Variants in COG5 observed in about 807,000 individuals in gnomAD.
COG5 encodes the protein conserved oligomeric Golgi complex subunit 5.
In COG5, 86 loss-of-function variants were observed where a neutral mutation model predicts 110.4. That is an observed-to-expected ratio of 0.78 (90% confidence interval 0.65 to 0.93). The LOEUF (loss-of-function observed/expected upper bound fraction) is 0.93. Among genes scored for constraint, COG5 ranks in the 40% least tolerant of loss-of-function variants. COG5 has a pLI of 0.00. For synonymous variants in COG5, 360 were observed against 334.6 expected, an observed-to-expected ratio of 1.08 and a Z score of -0.83; for missense variants, 1,077 against 987.0, an observed-to-expected ratio of 1.09 and a Z score of -1.22.
chr7:107,256,588 T>C (rs1374441796), intron 16 of COG5, 144 bp downstream of exon 16: 2 of 645,838 alleles, frequency 3.1e-6, no homozygotes, highest in African/African-American at 3.7e-5. Flanking sequence ...TTGTTATCTA[T>C]TCTCTTTAGG....
rs536303064 is a variant in COG5, at chr7:107,262,668, G to A, written c.1576-4285C>T. Among the ~76,000 whole-genome samples, 5 of 152,180 alleles carry A rather than the reference G, an allele frequency of 3.3e-5. No individual in the cohort carries two copies. The South Asian group carries it at 8.3e-4, about 25-fold the overall frequency. On this transcript the variant is annotated intron_variant, in intron 14 of 21. Coordinates refer to ENST00000297135, the MANE Select transcript of COG5 (RefSeq NM_006348.5). ...TCCCATTCATGCTCCTAAGCCCCTA[G>A]GAGATTGTTCCTCACCTTCTCCTCA...
chr7:107,432,496 C>T (rs1270136936), intron 6 of COG5, among the ~76,000 whole-genome samples: 2 of 152,132 alleles, frequency 1.3e-5, no homozygotes, highest in Non-Finnish European at 2.9e-5. Flanking sequence ...GAAATAAGAA[C>T]ATGACATAAG....
chr7:107,291,626 C>G (rs1484548636), intron 12 of COG5, among the ~76,000 whole-genome samples: 1 of 152,134 alleles, frequency 6.6e-6, no homozygotes, highest in Non-Finnish European at 1.5e-5. Context: ...TCTGACCACA[C>G]CCAGATACTA....
At chr7:107,483,556 T>C (rs535380112) in intron 6 of COG5, among the ~76,000 whole-genome samples, 2 of 152,028 alleles carry the variant, frequency 1.3e-5, no homozygotes, top group Admixed American at 6.6e-5. Flanking sequence ...AATACAAAAT[T>C]AGCCGGGTGT....
At chr7:107,476,205 A>AAAAAAAAAAAAAAAAAAAAAAAAAAAT (rs1796981548) in intron 6 of COG5, among the ~76,000 whole-genome samples, 1 of 148,780 alleles carries the variant, frequency 6.7e-6, no homozygotes. Context: ...AAAAAAAAAA[A>AAAAAAAAAAAAAAAAAAAAAAAAAAAT]AAGAACAGTA....
At chr7:107,267,331 T>G (rs1388336081) in intron 14 of COG5, among the ~76,000 whole-genome samples, 1 of 152,210 alleles carries the variant, frequency 6.6e-6, no homozygotes, top group Non-Finnish European at 1.5e-5. Context: ...TAATCAAATC[T>G]ATTATCCTCT....
chr7:107,272,555 G>T (rs946001706), intron 14 of COG5, among the ~76,000 whole-genome samples: 1 of 152,056 alleles, frequency 6.6e-6, no homozygotes, highest in Non-Finnish European at 1.5e-5. Context: ...GATATACGGG[G>T]TTCACAATTT....
intron 14 of COG5, among the ~76,000 whole-genome samples, chr7:107,275,730 G>T (rs1310604935): frequency 6.6e-6 from 1 of 151,404 alleles, no homozygotes; most frequent in Non-Finnish European, 1.5e-5. Context: ...CACCATTTTG[G>T]TCAGGCTGGT....
intron 6 of COG5, among the ~76,000 whole-genome samples, chr7:107,511,492 C>T (rs1799508189): frequency 6.6e-6 from 1 of 152,222 alleles, no homozygotes; most frequent in Non-Finnish European, 1.5e-5. Context: ...ACCATTCCTT[C>T]TGAAACTATT....
At chr7:107,204,370 A>G (rs1173359867) in intron 21 of COG5, among the ~76,000 whole-genome samples, 10 of 152,178 alleles carry the variant, frequency 6.6e-5, no homozygotes, top group Admixed American at 5.9e-4. Flanking sequence ...AGTCTGAAAT[A>G]TATCTGGCCC....
intron 14 of COG5, among the ~76,000 whole-genome samples, chr7:107,276,094 T>A (rs1804684446): frequency 6.6e-6 from 1 of 152,156 alleles, no homozygotes; most frequent in South Asian, 2.1e-4. Context: ...TTTCAAATGG[T>A]CTGCAACCTG....
At chr7:107,412,719 A>G in intron 6 of COG5, 87 bp from the exon 7 acceptor site, 1 of 838,274 alleles carries the variant, frequency 1.2e-6, no homozygotes, top group South Asian at 1.6e-5. Context: ...TCTCAAAAAA[A>G]AAAAACAAAA....
At chr7:107,266,584 C>T (rs1387242898) in intron 14 of COG5, among the ~76,000 whole-genome samples, 1 of 152,058 alleles carries the variant, frequency 6.6e-6, no homozygotes, top group Non-Finnish European at 1.5e-5. Flanking sequence ...GGTGATTTTA[C>T]GAGTCCTTCC....
chr7:107,342,826 TAAAAC>T (rs766278416), intron 10 of COG5, among the ~76,000 whole-genome samples: 1 of 152,172 alleles, frequency 6.6e-6, no homozygotes, highest in African/African-American at 2.4e-5. Flanking sequence ...TCAAAGAACT[TAAAAC>T]AGAACTACTA....
chr7:107,450,114 A>G (rs1174677972), intron 6 of COG5: 3 of 152,544 alleles, frequency 2.0e-5, no homozygotes, highest in Non-Finnish European at 4.4e-5. Flanking sequence ...GGTTGAAATC[A>G]CTGGTAAATA....
chr7:107,539,863 G>A (rs558303738), intron 5 of COG5, among the ~76,000 whole-genome samples: 19 of 152,160 alleles, frequency 1.2e-4, no homozygotes, highest in African/African-American at 4.6e-4. Context: ...TGAATAATTG[G>A]ACAATAATTG....
At chr7:107,529,806 T>C (rs958461185) in intron 5 of COG5, among the ~76,000 whole-genome samples, 2 of 152,204 alleles carry the variant, frequency 1.3e-5, no homozygotes, top group African/African-American at 4.8e-5. Context: ...TTTTCTGCCT[T>C]ATGCCCCTCA....
chr7:107,215,362 A>C (rs1023138448), intron 19 of COG5, among the ~76,000 whole-genome samples: 3 of 152,198 alleles, frequency 2.0e-5, no homozygotes, highest in African/African-American at 7.2e-5. Flanking sequence ...AAATGGCTGA[A>C]TGTATAAAAA....
intron 6 of COG5, among the ~76,000 whole-genome samples, chr7:107,456,930 A>C (rs1795699414): frequency 6.6e-6 from 1 of 152,198 alleles, no homozygotes; most frequent in South Asian, 2.1e-4. Context: ...AAGCTGCCCT[A>C]ATATAGCTTA....
Sources: allele counts gnomAD v4.1 joint callset (sites outside exome capture counted in the v4.1 genomes callset), GRCh38; gene constraint gnomAD v4.1.1; transcripts MANE v1.5; gene names NCBI Gene and HGNC (gene_info 2026-07-23, HGNC 2026-07-21).